Variants in REDIC1 observed in about 807,000 individuals in gnomAD.
REDIC1 encodes HEI10 Interacting Protein 1.
chr12:39,816,538 C>A, the REDIC1 span, among the ~76,000 whole-genome samples: 2 of 150,286 alleles, frequency 1.3e-5, no homozygotes, highest in Non-Finnish European at 3.0e-5. Flanking sequence ...ATGTAACAAA[C>A]CTGCACGTTG....
the REDIC1 span, among the ~76,000 whole-genome samples, chr12:39,725,019 A>C: frequency 6.6e-6 from 1 of 152,084 alleles, no homozygotes; most frequent in Admixed American, 6.6e-5. Flanking sequence ...GAAGACCAGC[A>C]ATTTCCAAGT....
At chr12:39,818,455 T>TGA in the REDIC1 span, among the ~76,000 whole-genome samples, 1 of 152,230 alleles carries the variant, frequency 6.6e-6, no homozygotes, top group Non-Finnish European at 1.5e-5. Flanking sequence ...CAATAGTATC[T>TGA]GAGCTAGCAG....
the REDIC1 span, among the ~76,000 whole-genome samples, chr12:39,728,222 G>T: frequency 6.6e-6 from 1 of 152,128 alleles, no homozygotes; most frequent in Non-Finnish European, 1.5e-5. Context: ...TCTTGTGCTG[G>T]TTTTTAAAGG....
At chr12:39,640,742 A>AT in the REDIC1 span, among the ~76,000 whole-genome samples, 1 of 151,952 alleles carries the variant, frequency 6.6e-6, no homozygotes, top group African/African-American at 2.4e-5. Context: ...GACATGCAGT[A>AT]TTTTTTATTA....
the REDIC1 span, among the ~76,000 whole-genome samples, chr12:39,685,247 A>G: frequency 6.6e-5 from 10 of 152,202 alleles, no homozygotes; most frequent in Admixed American, 5.2e-4. Context: ...AGACTGGGTA[A>G]TTTATAAAGA....
the REDIC1 span, among the ~76,000 whole-genome samples, chr12:39,750,800 A>G: frequency 1.3e-5 from 2 of 152,224 alleles, no homozygotes; most frequent in Non-Finnish European, 2.9e-5. Context: ...TGACAAAAAC[A>G]AGAAATGGGG....
chr12:39,712,442 ATG>A, the REDIC1 span, among the ~76,000 whole-genome samples: 8 of 59,722 alleles, frequency 1.3e-4, no homozygotes, highest in Admixed American at 1.9e-4. Flanking sequence ...ACATACGTAT[ATG>A]TATACATACG....
chr12:39,760,123 C>T, the REDIC1 span: 1 of 1,612,966 alleles, frequency 6.2e-7, no homozygotes, highest in South Asian at 1.1e-5. Context: ...ATCTGAAGTG[C>T]CACATGTACA....
chr12:39,626,199 G>T, the REDIC1 span: 1 of 848,052 alleles, frequency 1.2e-6, no homozygotes, highest in East Asian at 2.6e-5. Flanking sequence ...GGCCTCAGGC[G>T]GTGGACCAGA....
the REDIC1 span, among the ~76,000 whole-genome samples, chr12:39,775,331 A>T: frequency 6.6e-6 from 1 of 152,218 alleles, no homozygotes; most frequent in Non-Finnish European, 1.5e-5. Context: ...TTTGGCACCA[A>T]ACTGGCCAAC....
the REDIC1 span, among the ~76,000 whole-genome samples, chr12:39,789,486 T>C: frequency 6.6e-6 from 1 of 152,166 alleles, no homozygotes; most frequent in Non-Finnish European, 1.5e-5. Flanking sequence ...AAATTACAAA[T>C]AATGCTGCTA....
At chr12:39,818,452 A>T in the REDIC1 span, among the ~76,000 whole-genome samples, 14 of 152,344 alleles carry the variant, frequency 9.2e-5, no homozygotes, top group African/African-American at 2.6e-4. Flanking sequence ...TTACAATAGT[A>T]TCTGAGCTAG....
At chr12:39,712,150 A>G in the REDIC1 span, among the ~76,000 whole-genome samples, 1 of 22,052 alleles carries the variant, frequency 4.5e-5, no homozygotes, top group Non-Finnish European at 1.7e-4. Flanking sequence ...ACATACATCT[A>G]TACATGTATA....
the REDIC1 span, among the ~76,000 whole-genome samples, chr12:39,739,457 C>G: frequency 2.0e-5 from 3 of 152,146 alleles, no homozygotes; most frequent in African/African-American, 7.2e-5. Flanking sequence ...AAAGATAAAA[C>G]TGATCCCTAG....
At chr12:39,714,059 G>T in the REDIC1 span, among the ~76,000 whole-genome samples, 5 of 138,914 alleles carry the variant, frequency 3.6e-5, no homozygotes, top group African/African-American at 1.0e-4. Context: ...GTATATACAC[G>T]TATGTGTATA....
At chr12:39,840,852 C>T in the REDIC1 span, among the ~76,000 whole-genome samples, 1 of 152,048 alleles carries the variant, frequency 6.6e-6, no homozygotes, top group Non-Finnish European at 1.5e-5. Flanking sequence ...TACATAAGTG[C>T]TCAATAAATA....
At chr12:39,874,904 C>A in the REDIC1 span, among the ~76,000 whole-genome samples, 1 of 152,164 alleles carries the variant, frequency 6.6e-6, no homozygotes, top group African/African-American at 2.4e-5. Flanking sequence ...CAGGCAATTG[C>A]AGATTATCTG....
chr12:39,638,101 AAAC>A, the REDIC1 span, among the ~76,000 whole-genome samples: 13 of 152,150 alleles, frequency 8.5e-5, no homozygotes, highest in South Asian at 2.1e-4. Flanking sequence ...ACAAACAAAC[AAAC>A]AACAACAACA....
chr12:39,770,428 A>G, the REDIC1 span, among the ~76,000 whole-genome samples: 1 of 152,190 alleles, frequency 6.6e-6, no homozygotes, highest in African/African-American at 2.4e-5. Flanking sequence ...CTTAATAGCC[A>G]TATTCATTCA....
Sources: allele counts gnomAD v4.1 joint callset (sites outside exome capture counted in the v4.1 genomes callset), GRCh38; gene constraint gnomAD v4.1.1; transcripts MANE v1.5; gene names NCBI Gene and HGNC (gene_info 2026-07-23, HGNC 2026-07-21).